SHC3: variants seen among roughly 807,000 people sequenced by gnomAD.
The protein encoded by SHC3 is SHC-transforming protein 3.
A neutral mutation model predicts 60.4 loss-of-function variants in SHC3; 15 were observed. The ratio of observed to expected loss-of-function variants is 0.25; its 90% CI spans 0.17 to 0.38. SHC3 has a LOEUF of 0.38. Among genes scored for constraint, SHC3 ranks in the 10% least tolerant of loss-of-function variants. SHC3 has a pLI of 1.00. For synonymous variants in SHC3, 294 were observed against 325.9 expected (o/e 0.90, Z 1.05); for missense variants, 677 against 786.1 (o/e 0.86, Z 1.66).
At chr9:89,108,832 A>G (rs1327054366) in intron 2 of SHC3, among the ~76,000 whole-genome samples, 1 of 152,250 alleles carries the variant, frequency 6.6e-6, no homozygotes, top group Non-Finnish European at 1.5e-5. Flanking sequence ...TCATTAGCAT[A>G]GAACAGCTGC....
At chr9:89,109,824 C>G in intron 2 of SHC3, 14 of 985,462 alleles carry the variant, frequency 1.4e-5, no homozygotes, top group Non-Finnish European at 1.6e-5. Flanking sequence ...ACACTCATAC[C>G]AAGATCACAT....
chr9:89,052,115 C>A lies in SHC3; in HGVS notation c.884G>T (p.Gly295Val). Residue 295 changes from glycine to valine, a missense_variant, in exon 7 of 12, where the codon GGC becomes GTC. Coordinates refer to ENST00000375835, the MANE Select transcript of SHC3 (RefSeq NM_016848.6). ...CCDGLAQDVI[G>V]SIGQAFELRF... ...GAGCTCAAAGGCTTGTCCGATGGAGCCGATGACATCCTGGGCCAGCCCATC... is the reference window on the plus strand; with the variant it reads ...GAGCTCAAAGGCTTGTCCGATGGAGACGATGACATCCTGGGCCAGCCCATC... 6.2e-7 allele frequency: 1 copy of A among 1,614,074 alleles called. No individual in the cohort carries two copies. The highest frequency in any genetic ancestry group is 1.1e-5 in the South Asian group (1 of 91,082).
intron 1 of SHC3, among the ~76,000 whole-genome samples, chr9:89,176,608 C>T (rs1826945368): frequency 6.6e-6 from 1 of 151,902 alleles, no homozygotes. Flanking sequence ...TTGTTTTGGC[C>T]CCTGGTTATA....
At chr9:89,128,465 G>A (rs1181357248) in intron 1 of SHC3, among the ~76,000 whole-genome samples, 1 of 152,182 alleles carries the variant, frequency 6.6e-6, no homozygotes, top group African/African-American at 2.4e-5. Context: ...GTGGGTCCCT[G>A]ATCCCTGAGC....
chr9:89,092,348 C>T (rs111890274), intron 2 of SHC3, among the ~76,000 whole-genome samples: 2,133 of 152,188 alleles, frequency 0.014, 48 homozygotes, highest in African/African-American at 0.045. Flanking sequence ...CCTGGCGCAG[C>T]GGCTCACGCC....
chr9:89,093,596 A>T (rs1825658043), intron 2 of SHC3, among the ~76,000 whole-genome samples: 1 of 152,034 alleles, frequency 6.6e-6, no homozygotes, highest in African/African-American at 2.4e-5. Flanking sequence ...ATAATTCATA[A>T]CAAAGGAAAT....
At chr9:89,033,192 C>T (rs1323810865) in intron 11 of SHC3, among the ~76,000 whole-genome samples, 1 of 152,136 alleles carries the variant, frequency 6.6e-6, no homozygotes, top group Non-Finnish European at 1.5e-5. Flanking sequence ...TTATCTGCTA[C>T]ATTATGATAC....
intron 1 of SHC3, among the ~76,000 whole-genome samples, chr9:89,170,640 A>T (rs575169702): frequency 6.6e-6 from 1 of 152,210 alleles, no homozygotes; most frequent in Non-Finnish European, 1.5e-5. Flanking sequence ...GCAAGACTCC[A>T]TCTCAGAAAT....
intron 11 of SHC3, among the ~76,000 whole-genome samples, chr9:89,032,532 A>G (rs1301358583): frequency 2.0e-5 from 3 of 152,318 alleles, no homozygotes; most frequent in African/African-American, 7.2e-5. Context: ...TGACTAAACA[A>G]TTCTGAAGAT....
At chr9:89,091,608 TA>T (rs1825622452) in intron 2 of SHC3, among the ~76,000 whole-genome samples, 1 of 152,246 alleles carries the variant, frequency 6.6e-6, no homozygotes, top group African/African-American at 2.4e-5. Context: ...TTTTTTAATA[TA>T]AAATTTACCA....
At chr9:89,077,566 T>C (rs1825378898) in intron 3 of SHC3, among the ~76,000 whole-genome samples, 1 of 152,246 alleles carries the variant, frequency 6.6e-6, no homozygotes. Flanking sequence ...AAGGAAAGCC[T>C]GACCCTGTTT....
intron 1 of SHC3, among the ~76,000 whole-genome samples, chr9:89,115,788 G>C (rs972935741): frequency 6.6e-6 from 1 of 152,106 alleles, no homozygotes; most frequent in African/African-American, 2.4e-5. Flanking sequence ...ATGACCACCA[G>C]CAACAACACT....
chr9:89,106,538 T>C (rs1389729738), intron 2 of SHC3, among the ~76,000 whole-genome samples: 2 of 152,120 alleles, frequency 1.3e-5, no homozygotes, highest in African/African-American at 4.8e-5. Context: ...TGTCCTTCAG[T>C]AGTGAGGGGA....
chr9:89,170,986 A>G (rs1826860987), intron 1 of SHC3, among the ~76,000 whole-genome samples: 1 of 152,202 alleles, frequency 6.6e-6, no homozygotes, highest in South Asian at 2.1e-4. Flanking sequence ...ATGATTGTAC[A>G]CAAACCCCTC....
chr9:89,155,261 T>C (rs932874840), intron 1 of SHC3, among the ~76,000 whole-genome samples: 3 of 152,160 alleles, frequency 2.0e-5, no homozygotes, highest in African/African-American at 7.2e-5. Flanking sequence ...GACTGGACCA[T>C]TTCTGAATGC....
At chr9:89,051,606 G>A (rs536373453) in intron 7 of SHC3, among the ~76,000 whole-genome samples, 15 of 152,332 alleles carry the variant, frequency 9.8e-5, no homozygotes, top group Middle Eastern at 3.4e-3. Flanking sequence ...AAACTATGCC[G>A]GTAGCCAGCA....
chr9:89,155,091 A>G (rs1222245466), intron 1 of SHC3, among the ~76,000 whole-genome samples: 5 of 152,152 alleles, frequency 3.3e-5, no homozygotes, highest in Non-Finnish European at 7.4e-5. Context: ...CCCACAAAAA[A>G]GACTGCTGGT....
At chr9:89,041,255 C>T (rs954347475) in intron 10 of SHC3, among the ~76,000 whole-genome samples, 2 of 152,182 alleles carry the variant, frequency 1.3e-5, no homozygotes, top group African/African-American at 4.8e-5. Context: ...TTAATTTCCT[C>T]AGTCTATATG....
At chr9:89,067,966 G>T (rs141382521) in intron 5 of SHC3, among the ~76,000 whole-genome samples, 2 of 152,030 alleles carry the variant, frequency 1.3e-5, no homozygotes, top group Non-Finnish European at 1.5e-5. Flanking sequence ...ATTTTTTTAC[G>T]TTCTTACTCT....
Sources: gnomAD v4.1 joint callset for allele counts (sites outside exome capture counted in the v4.1 genomes callset) on GRCh38, gnomAD v4.1.1 for gene constraint, MANE v1.5 for transcripts, NCBI Gene and HGNC (gene_info 2026-07-23, HGNC 2026-07-21) for gene names.